DDX11: variants seen among roughly 807,000 people sequenced by gnomAD.
DDX11 encodes the protein ATP-dependent DNA helicase DDX11.
In DDX11, 72 loss-of-function variants were observed where a neutral mutation model predicts 125.2. The ratio of observed to expected loss-of-function variants is 0.58; its 90% CI spans 0.48 to 0.70. The LOEUF is 0.70. DDX11 is among the 30% of genes least tolerant of loss of function. DDX11 has a pLI of 0.00. For missense variants in DDX11, 883 were observed against 1,165.0 expected (o/e 0.76, Z 3.52); for synonymous variants, 347 against 452.6 (o/e 0.77, Z 2.96).
intron 5 of DDX11, among the ~76,000 whole-genome samples, chr12:31,087,140 C>T (rs1191672831): frequency 2.7e-5 from 4 of 149,784 alleles, no homozygotes; most frequent in East Asian, 2.0e-4. Context: ...TCCCTGCCAA[C>T]GCCTGGCGCT....
intron 4 of DDX11, 127 bp downstream of exon 4, chr12:31,084,796 AG>A (rs1024921972): frequency 1.3e-5 from 13 of 1,036,526 alleles, no homozygotes; most frequent in Admixed American, 2.0e-5. Context: ...GCTCCCGTAC[AG>A]AAGCTGGGCT....
At chr12:31,102,391 T>G (rs1946548789) in intron 22 of DDX11, 36 bp from the exon 23 acceptor site, 1 of 1,611,454 alleles carries the variant, frequency 6.2e-7, no homozygotes, top group South Asian at 1.1e-5. Context: ...ATCCAAGTTT[T>G]GGCTCAGCAA....
chr12:31,103,136 C>G (rs1946690701), intron 24 of DDX11, 116 bp downstream of exon 24: 2 of 1,386,570 alleles, frequency 1.4e-6, no homozygotes, highest in Non-Finnish European at 2.0e-6. Context: ...TCTCCTGCCC[C>G]CTCCGGAAGC....
In DDX11 at chr12:31,096,493, A is replaced by G. The variant is rs1211150313; in HGVS notation, c.1521+114A>G. ...GAACTCCAGAGTCCCCTTCGTCTCC[A>G]CTCTCCTTGGTGCAGTGGGCCTTGC... On this transcript the variant is annotated intron_variant, in intron 15 of 26. Coordinates refer to ENST00000542838, the MANE Select transcript of DDX11 (RefSeq NM_030653.4). The G allele has an allele frequency of 2.5e-6, 4 of 1,601,910 alleles. No individual in the cohort carries two copies. In the African/African-American group the frequency reaches 4.0e-5, roughly 16 times the overall value.
intron 9 of DDX11, among the ~76,000 whole-genome samples, chr12:31,090,864 G>A (rs912360009): frequency 6.6e-6 from 1 of 152,220 alleles, no homozygotes; most frequent in Non-Finnish European, 1.5e-5. Flanking sequence ...CAGAGAAACT[G>A]AGGAAAGCTG....
At position 31,103,585 on chromosome 12, in the gene DDX11, A is replaced by T. The variant is rs764499650; in HGVS notation, c.2545A>T (p.Ile849Phe). The T allele has an allele frequency of 6.2e-6, 10 of 1,613,850 alleles. No individual in the cohort carries two copies. The highest frequency in any genetic ancestry group is 8.5e-6 in the Non-Finnish European group (10 of 1,179,966). ...CCTCTGTTCCTATGCAGGCAGGGCCATCAGGCACCAGAAGGATTTTGCCAG... is the reference window on the plus strand; with the variant it reads ...CCTCTGTTCCTATGCAGGCAGGGCCTTCAGGCACCAGAAGGATTTTGCCAG... ...KAVNQSIGRA[I>F]RHQKDFASVV... Residue 849 changes from isoleucine (I) to phenylalanine (F), a missense_variant, in exon 26 of 27, where the codon ATC becomes TTC. Around this residue, in one of 5 missense-constraint regions of DDX11, gnomAD observed 285 missense variants for 346.0 expected, o/e 0.82. Coordinates refer to ENST00000542838, the MANE Select transcript of DDX11 (RefSeq NM_030653.4).
intron 9 of DDX11, 164 bp from the exon 10 acceptor site, chr12:31,091,555 G>A: frequency 1.5e-6 from 1 of 675,816 alleles, no homozygotes; most frequent in Non-Finnish European, 2.5e-6. Context: ...CTTTTCATGT[G>A]AAACTCGAGG....
chr12:31,092,240 A>G (rs899471387), intron 10 of DDX11, among the ~76,000 whole-genome samples: 36 of 151,858 alleles, frequency 2.4e-4, no homozygotes, highest in Non-Finnish European at 4.9e-4. Context: ...AATGCTCAAG[A>G]TCAGCGCAGG....
intron 2 of DDX11, among the ~76,000 whole-genome samples, chr12:31,083,552 A>G (rs972981158): frequency 1.3e-5 from 2 of 152,078 alleles, no homozygotes; most frequent in Admixed American, 1.3e-4. Flanking sequence ...AAACTGCTTC[A>G]AATTTGTTTT....
chr12:31,093,393 C>T, intron 12 of DDX11, 69 bp downstream of exon 12: 1 of 1,591,940 alleles, frequency 6.3e-7, no homozygotes, highest in Non-Finnish European at 8.6e-7. Context: ...CCTTGGATGC[C>T]CATCAGGACA....
chr12:31,090,129 A>G (rs2536783), intron 9 of DDX11, 35 bp downstream of exon 9: 5 of 1,548,634 alleles, frequency 3.2e-6, no homozygotes, highest in African/African-American at 1.4e-5. Flanking sequence ...GCCGCTCTTG[A>G]CTCTCACTGT....
chr12:31,078,450 C>G lies in DDX11; in HGVS notation c.57C>G (p.Pro19=). 2 of 1,611,042 alleles carry G rather than the reference C, an allele frequency of 1.2e-6. No homozygotes were observed. The highest frequency in any genetic ancestry group is 1.7e-6 in the Non-Finnish European group (2 of 1,179,048). The part of the protein sequence containing the change: ...GAIHFPFPFT[P]YSIQEDFMAE... ...TCCATTTTCCTTTTCCCTTCACACCCTATTCCATCCAGGAAGACTTCATGG... is the reference window on the plus strand; with the variant it reads ...TCCATTTTCCTTTTCCCTTCACACCGTATTCCATCCAGGAAGACTTCATGG... The change falls in exon 2 of 27, where the codon CCC becomes CCG. Residue 19 remains proline, a synonymous_variant. Coordinates refer to ENST00000542838, the MANE Select transcript of DDX11 (RefSeq NM_030653.4).
intron 1 of DDX11, chr12:31,077,161 C>G (rs1409745540): frequency 2.0e-5 from 3 of 151,758 alleles, no homozygotes; most frequent in Non-Finnish European, 4.4e-5. Flanking sequence ...ACAGACCTGG[C>G]AAAGAGCTTG....
chr12:31,084,851 G>T, intron 4 of DDX11, 118 bp from the exon 5 acceptor site: 2 of 1,340,480 alleles, frequency 1.5e-6, no homozygotes, highest in Non-Finnish European at 2.1e-6. Flanking sequence ...CCTCTCTCCA[G>T]CCAGGCAGCC....
rs143234228 is a variant in DDX11 at position 31,083,836 on chromosome 12, T to C, written c.168T>C (p.Cys56=). 8.1e-6 allele frequency: 13 copies of C among 1,612,186 alleles called. No homozygotes were observed. Among genetic ancestry groups the C allele is most frequent in the South Asian group, 3.3e-5 (3 of 90,986 alleles). ...TGTGKSLSLI[C]GALSWLRDFE... is the part of the protein sequence containing the mutation. ...AGGGGAAGTCCTTAAGTCTTATTTG[T>C]GGGGCCCTCTCTTGGCTCCGTGACT... Residue 56 remains cysteine, a synonymous_variant, in exon 3 of 27, where the codon TGT becomes TGC. Transcript: ENST00000542838.
chr12:31,096,291 T>C (rs9788047), intron 14 of DDX11, 50 bp from the exon 15 acceptor site: 349,887 of 1,127,988 alleles, frequency 0.31, 99,063 homozygotes, highest in East Asian at 0.81. Context: ...TTTAAGATTA[T>C]AGCTTGCTCA....
At position 31,103,385 on chromosome 12, in the gene DDX11, C is replaced by G. The variant is rs1214930120; in HGVS notation, c.2526C>G (p.Asn842Lys). Residue 842 changes from asparagine to lysine, a missense_variant, in exon 25 of 27, where the codon AAC becomes AAG. Transcript: ENST00000542838. The part of the protein sequence containing the change: ...LVENLCMKAV[N>K]QSIGRAIRHQ... ...AGAACCTGTGCATGAAGGCCGTCAACCAGTCCATAGGTGAGCCTGGCTGCC... is the reference window on the plus strand; with the variant it reads ...AGAACCTGTGCATGAAGGCCGTCAAGCAGTCCATAGGTGAGCCTGGCTGCC... 2 of 1,609,600 alleles carry G rather than the reference C, an allele frequency of 1.2e-6. No homozygotes were observed. Among genetic ancestry groups the G allele is most frequent in the South Asian group, 2.2e-5 (2 of 90,222 alleles).
chr12:31,078,127 A>C (rs1941062445), intron 1 of DDX11: 1 of 1,221,998 alleles, frequency 8.2e-7, no homozygotes, highest in South Asian at 1.3e-5. Context: ...CCACGGTGAA[A>C]TGCAGGGGAG....
chr12:31,101,705 C>G, intron 20 of DDX11, 128 bp from the exon 21 acceptor site: 2 of 1,333,704 alleles, frequency 1.5e-6, no homozygotes, highest in South Asian at 2.4e-5. Context: ...GAGCCAAGTC[C>G]TCTTCCTTGG....
Sources: allele counts gnomAD v4.1 joint callset (sites outside exome capture counted in the v4.1 genomes callset), GRCh38; gene constraint gnomAD v4.1.1; regional missense constraint gnomAD v4.1.1; transcripts MANE v1.5; gene names NCBI Gene and HGNC (gene_info 2026-07-23, HGNC 2026-07-21).